Variants in CFAP47 observed in about 807,000 individuals in gnomAD.
The protein encoded by CFAP47 is cilia and flagella associated protein 47, also known as cilia- and flagella-associated protein 47.
Under a neutral mutation model 148.1 loss-of-function variants are expected in CFAP47, and 29 were observed. The ratio of observed to expected loss-of-function variants is 0.20; its 90% CI spans 0.15 to 0.27. The LOEUF (loss-of-function observed/expected upper bound fraction) is 0.27. Ranked by LOEUF, CFAP47 falls within the 10% of genes least tolerant of loss-of-function variation. The pLI is 1.00. For synonymous variants in CFAP47, 664 were observed against 577.3 expected, an observed-to-expected ratio of 1.15 and a Z score of -2.15; for missense variants, 1,872 against 1,697.5, an observed-to-expected ratio of 1.10 and a Z score of -1.81.
chrX:36,165,509 C>T (rs1284764046), intron 39 of CFAP47, among the ~76,000 whole-genome samples: 2 of 111,525 alleles, frequency 1.8e-5, no homozygotes, highest in Non-Finnish European at 3.8e-5. Flanking sequence ...TAGCTCTATT[C>T]CCTTTCCATT....
At chrX:36,119,002 T>A (rs955814410) in intron 33 of CFAP47, among the ~76,000 whole-genome samples, 1 of 112,122 alleles carries the variant, frequency 8.9e-6, no homozygotes, top group Non-Finnish European at 1.9e-5. Context: ...AAATGTAAGA[T>A]CATATCATCT....
At chrX:36,307,490 A>G (rs1033922310) in intron 55 of CFAP47, among the ~76,000 whole-genome samples, 1 of 111,074 alleles carries the variant, frequency 9.0e-6, no homozygotes, top group East Asian at 2.8e-4. Flanking sequence ...ATCCAGGATA[A>G]TCTGGTTTCA....
chrX:36,269,030 G>A (rs1391091473), intron 49 of CFAP47, among the ~76,000 whole-genome samples: 1 of 111,645 alleles, frequency 9.0e-6, no homozygotes, highest in Non-Finnish European at 1.9e-5. Context: ...AAATATGTCA[G>A]TATTTCAAAA....
intron 9 of CFAP47, among the ~76,000 whole-genome samples, chrX:35,967,248 A>G (rs1198922942): frequency 1.8e-5 from 2 of 110,801 alleles, no homozygotes; most frequent in African/African-American, 3.3e-5. Flanking sequence ...CTTTTTGACT[A>G]TTCTATGGAT....
chrX:36,027,676 T>G (rs1345961892), intron 22 of CFAP47, among the ~76,000 whole-genome samples: 1 of 111,406 alleles, frequency 9.0e-6, no homozygotes, highest in Non-Finnish European at 1.9e-5. Context: ...TTATGCCCAG[T>G]AGTGGGATGG....
chrX:35,973,864 A>C (rs1262242304), intron 13 of CFAP47, among the ~76,000 whole-genome samples: 4 of 112,583 alleles, frequency 3.6e-5, no homozygotes, highest in Non-Finnish European at 7.5e-5. Flanking sequence ...TTCATCCCTA[A>C]GATGAGTATG....
At chrX:36,238,366 G>T (rs782514140) in intron 48 of CFAP47, among the ~76,000 whole-genome samples, 7 of 112,608 alleles carry the variant, frequency 6.2e-5, no homozygotes, top group African/African-American at 2.3e-4. Context: ...ACATGGAGCT[G>T]TGTGTCCATT....
At chrX:36,085,578 G>T in intron 30 of CFAP47, 40 bp downstream of exon 30, 1 of 870,056 alleles carries the variant, frequency 1.1e-6, no homozygotes, top group Admixed American at 2.6e-5. Flanking sequence ...TATAACTCTG[G>T]CTTGGATAGT....
At chrX:36,297,962 G>A (rs1941259216) in intron 51 of CFAP47, among the ~76,000 whole-genome samples, 1 of 110,305 alleles carries the variant, frequency 9.1e-6, no homozygotes, top group Non-Finnish European at 1.9e-5. Context: ...CTGTTGGTGG[G>A]ACTGTAAACT....
intron 49 of CFAP47, among the ~76,000 whole-genome samples, chrX:36,267,946 A>G (rs1556001299): frequency 8.9e-6 from 1 of 112,763 alleles, no homozygotes; most frequent in Non-Finnish European, 1.9e-5. Flanking sequence ...CTGATGTTTC[A>G]TGATGCTATT....
intron 55 of CFAP47, among the ~76,000 whole-genome samples, chrX:36,307,831 T>C (rs1556009134): frequency 1.8e-5 from 2 of 111,185 alleles, no homozygotes; most frequent in African/African-American, 3.3e-5. Flanking sequence ...GGCTGTTAAC[T>C]TGTCTAAATA....
chrX:36,163,539 C>A (rs1939454280), intron 39 of CFAP47, among the ~76,000 whole-genome samples: 1 of 110,045 alleles, frequency 9.1e-6, no homozygotes, highest in African/African-American at 3.3e-5. Flanking sequence ...CTACATATTT[C>A]TCTCTAAGGA....
chrX:36,265,867 G>T (rs187969008), intron 49 of CFAP47, among the ~76,000 whole-genome samples: 1 of 111,884 alleles, frequency 8.9e-6, no homozygotes, highest in Admixed American at 9.4e-5. Context: ...GCTGTCATTT[G>T]GATGGGCTTT....
intron 32 of CFAP47, among the ~76,000 whole-genome samples, 172 bp from the exon 33 acceptor site, chrX:36,104,327 G>T (rs908366995): frequency 8.9e-6 from 1 of 112,041 alleles, no homozygotes; most frequent in East Asian, 2.8e-4. Flanking sequence ...TTTAAAATGA[G>T]CATTATTGGG....
intron 62 of CFAP47, chrX:36,374,685 C>T: frequency 2.8e-6 from 1 of 351,580 alleles, no homozygotes; most frequent in African/African-American, 2.6e-5. Context: ...CTTAATACTA[C>T]TTTTGCTGCA....
intron 26 of CFAP47, among the ~76,000 whole-genome samples, chrX:36,048,907 G>A (rs1053064447): frequency 9.0e-6 from 1 of 111,270 alleles, no homozygotes; most frequent in African/African-American, 3.3e-5. Context: ...TTGGTGTTAC[G>A]GTTTGGTGAA....
At chrX:36,345,219 TA>T (rs1478217907) in intron 57 of CFAP47, among the ~76,000 whole-genome samples, 1 of 111,636 alleles carries the variant, frequency 9.0e-6, no homozygotes, top group African/African-American at 3.3e-5. Context: ...ATAGAATTCA[TA>T]AAAACAAAGT....
At chrX:36,098,573 G>A (rs1938318911) in intron 30 of CFAP47, among the ~76,000 whole-genome samples, 2 of 111,267 alleles carry the variant, frequency 1.8e-5, no homozygotes, top group African/African-American at 6.5e-5. Flanking sequence ...TCAAACCATA[G>A]GACACTTTCT....
intron 7 of CFAP47, among the ~76,000 whole-genome samples, chrX:35,954,389 C>G (rs1309075792): frequency 1.8e-5 from 2 of 111,001 alleles, no homozygotes; most frequent in African/African-American, 6.5e-5. Context: ...GATCACCATC[C>G]TGGATATTTA....
Sources: gnomAD v4.1 joint callset for allele counts (sites outside exome capture counted in the v4.1 genomes callset) on GRCh38, gnomAD v4.1.1 for gene constraint, MANE v1.5 for transcripts, NCBI Gene and HGNC (gene_info 2026-07-23, HGNC 2026-07-21) for gene names.